Variants in CFAP299 observed in about 807,000 individuals in gnomAD.
CFAP299 encodes the protein cilia- and flagella-associated protein 299.
Under a neutral mutation model 27.0 loss-of-function variants are expected in CFAP299, and 21 were observed. The observed-to-expected ratio is 0.78, with a 90% CI of 0.55 to 1.12. The LOEUF (loss-of-function observed/expected upper bound fraction) is 1.12. Ranked by LOEUF, CFAP299 falls within the 50% of genes most tolerant of loss-of-function variation. CFAP299 has a pLI of 0.00. For synonymous variants in CFAP299, 104 were observed against 98.1 expected, an observed-to-expected ratio of 1.06 and a Z score of -0.36; for missense variants, 310 against 276.6, an observed-to-expected ratio of 1.12 and a Z score of -0.86.
intron 5 of CFAP299, among the ~76,000 whole-genome samples, chr4:80,948,082 T>A (rs1737568040): frequency 6.6e-6 from 1 of 152,186 alleles, no homozygotes; most frequent in African/African-American, 2.4e-5. Flanking sequence ...TTCTCCTTCA[T>A]GTACCCTCTT....
chr4:80,352,402 T>C (rs1001256390), intron 1 of CFAP299, among the ~76,000 whole-genome samples: 1 of 152,060 alleles, frequency 6.6e-6, no homozygotes, highest in Non-Finnish European at 1.5e-5. Context: ...ACCCCGTCTC[T>C]ACTAAAATAC....
intron 2 of CFAP299, chr4:80,386,382 G>T: frequency 6.6e-7 from 1 of 1,519,634 alleles, no homozygotes; most frequent in Non-Finnish European, 8.9e-7. Context: ...GCCCGGGACG[G>T]CCTCGGGCAC....
chr4:80,959,274 T>G (rs978341479), intron 5 of CFAP299, among the ~76,000 whole-genome samples: 7 of 152,058 alleles, frequency 4.6e-5, no homozygotes, highest in African/African-American at 1.4e-4. Context: ...AAAACATAAT[T>G]GCTAATACAA....
chr4:80,390,896 C>T lies in CFAP299; in HGVS notation c.242+28012C>T, dbSNP rs796695675. ...ATATATGTATATATGTATATACACA[C>T]ATATGCATATATGTATATACACACA... On this transcript the variant is annotated intron_variant, in intron 2 of 5. Coordinates refer to ENST00000358105, the MANE Select transcript of CFAP299 (RefSeq NM_152770.3). Among the ~76,000 whole-genome samples the T allele has an allele frequency of 1.6e-3, 185 of 115,884 alleles. 9 individuals carry two copies. The highest frequency in any genetic ancestry group is 0.012 in the East Asian group (48 of 3,936). The allele number at this position is 115,884 out of a possible 152,430, so 76.0% of individuals were successfully genotyped here.
intron 3 of CFAP299, among the ~76,000 whole-genome samples, chr4:80,596,425 G>T (rs534268165): frequency 5.6e-4 from 85 of 152,216 alleles, no homozygotes; most frequent in Non-Finnish European, 1.0e-3. Context: ...GAATAATACT[G>T]CTGCCCCACT....
intron 4 of CFAP299, among the ~76,000 whole-genome samples, chr4:80,935,009 T>C (rs922367501): frequency 1.3e-5 from 2 of 152,078 alleles, no homozygotes; most frequent in Non-Finnish European, 2.9e-5. Context: ...TACTTATCAC[T>C]ATGAAGTCCC....
chr4:80,706,913 G>A (rs1394037574), intron 3 of CFAP299, among the ~76,000 whole-genome samples: 3 of 151,934 alleles, frequency 2.0e-5, no homozygotes, highest in East Asian at 3.9e-4. Context: ...AAGTAGGCGT[G>A]AATATACATT....
At chr4:80,635,301 A>G (rs1739421468) in intron 3 of CFAP299, among the ~76,000 whole-genome samples, 1 of 152,126 alleles carries the variant, frequency 6.6e-6, no homozygotes, top group Admixed American at 6.5e-5. Context: ...CTTTTCCCAT[A>G]GAAAGTGTCT....
chr4:80,478,128 A>AT (rs1730372380), intron 2 of CFAP299, among the ~76,000 whole-genome samples: 1 of 152,186 alleles, frequency 6.6e-6, no homozygotes, highest in Non-Finnish European at 1.5e-5. Flanking sequence ...TACATATAAT[A>AT]TTTTTGCCAT....
intron 4 of CFAP299, among the ~76,000 whole-genome samples, chr4:80,890,076 A>T (rs566528395): frequency 1.3e-5 from 2 of 152,216 alleles, no homozygotes; most frequent in South Asian, 4.1e-4. Context: ...GAACATGATA[A>T]TGATGTTATT....
At chr4:80,938,055 A>G (rs962092720) in intron 4 of CFAP299, among the ~76,000 whole-genome samples, 1 of 152,144 alleles carries the variant, frequency 6.6e-6, no homozygotes, top group African/African-American at 2.4e-5. Context: ...TCATGTCCCT[A>G]TTTACACCTG....
chr4:80,803,343 T>C (rs1044607652), intron 3 of CFAP299, among the ~76,000 whole-genome samples: 2 of 152,084 alleles, frequency 1.3e-5, no homozygotes, highest in African/African-American at 4.8e-5. Flanking sequence ...AAAGAAACTA[T>C]TGAAATGTAT....
At chr4:80,861,047 G>A (rs1455602231) in intron 3 of CFAP299, among the ~76,000 whole-genome samples, 1 of 152,206 alleles carries the variant, frequency 6.6e-6, no homozygotes, top group African/African-American at 2.4e-5. Flanking sequence ...GCCTCCTTGA[G>A]CTGTGGTGGG....
chr4:80,715,784 T>G (rs974730081), intron 3 of CFAP299, among the ~76,000 whole-genome samples: 12 of 152,090 alleles, frequency 7.9e-5, no homozygotes, highest in Non-Finnish European at 1.6e-4. Flanking sequence ...AATTTGATGA[T>G]TTTTAAGACA....
chr4:80,868,264 T>C (rs1459541800), intron 3 of CFAP299, among the ~76,000 whole-genome samples: 2 of 152,210 alleles, frequency 1.3e-5, no homozygotes, highest in Non-Finnish European at 2.9e-5. Context: ...ATCTTTGACT[T>C]GACAGCTAGA....
intron 2 of CFAP299, among the ~76,000 whole-genome samples, chr4:80,445,321 A>G (rs1728568944): frequency 6.6e-6 from 1 of 152,246 alleles, no homozygotes; most frequent in African/African-American, 2.4e-5. Context: ...TGGCACATAT[A>G]CACAATGGAA....
chr4:80,627,335 G>A (rs1239999687), intron 3 of CFAP299, among the ~76,000 whole-genome samples: 1 of 151,834 alleles, frequency 6.6e-6, no homozygotes, highest in Non-Finnish European at 1.5e-5. Flanking sequence ...AGGTATAGAA[G>A]GAATGTACTT....
At chr4:80,804,240 T>C (rs553229238) in intron 3 of CFAP299, among the ~76,000 whole-genome samples, 1 of 152,254 alleles carries the variant, frequency 6.6e-6, no homozygotes, top group East Asian at 1.9e-4. Flanking sequence ...ACTCATTTAA[T>C]TTTGTAAAAT....
chr4:80,699,883 A>G (rs763124634), intron 3 of CFAP299, among the ~76,000 whole-genome samples: 6 of 152,164 alleles, frequency 3.9e-5, no homozygotes, highest in Non-Finnish European at 5.9e-5. Flanking sequence ...TTCTATTGTG[A>G]ATATCGTTGA....
Sources: gnomAD v4.1 joint callset for allele counts (sites outside exome capture counted in the v4.1 genomes callset) on GRCh38, gnomAD v4.1.1 for gene constraint, MANE v1.5 for transcripts, NCBI Gene and HGNC (gene_info 2026-07-23, HGNC 2026-07-21) for gene names.